The following HS2ST1 variants were observed in gnomAD, a reference collection of about 807,000 sequenced individuals.
The protein encoded by HS2ST1 is heparan sulfate 2-O-sulfotransferase 1.
In HS2ST1, 18 loss-of-function variants were observed where a neutral mutation model predicts 42.9. The ratio of observed to expected loss-of-function variants is 0.42; its 90% CI spans 0.29 to 0.62. The LOEUF (loss-of-function observed/expected upper bound fraction) is 0.62, where lower values mean the gene tolerates loss of function less well. Among genes scored for constraint, HS2ST1 ranks in the 20% least tolerant of loss-of-function variants. HS2ST1 has a pLI of 0.21. For missense variants in HS2ST1, 334 were observed against 433.8 expected, an observed-to-expected ratio of 0.77 and a Z score of 2.04; for synonymous variants, 146 against 152.9, an observed-to-expected ratio of 0.95 and a Z score of 0.33.
intron 4 of HS2ST1, 110 bp downstream of exon 4, chr1:87,092,779 G>A: frequency 1.5e-6 from 1 of 667,398 alleles, no homozygotes; most frequent in South Asian, 5.3e-5. Flanking sequence ...TGCTTATTGT[G>A]GAAATTTTGA....
intron 1 of HS2ST1, among the ~76,000 whole-genome samples, chr1:86,934,185 G>A (rs1023125362): frequency 6.6e-6 from 1 of 152,184 alleles, no homozygotes; most frequent in African/African-American, 2.4e-5. Context: ...TTAGTTGGTG[G>A]ATAACAAACT....
chr1:86,948,751 G>A lies in HS2ST1; in HGVS notation c.124+33591G>A, dbSNP rs1039385030. ...AACTATTGGTTCCCTCTAACTTAAC[G>A]GTTTTAGGATCTGTTATTAAAATTT... On this transcript the variant is annotated intron_variant, in intron 1 of 6. Transcript: ENST00000370550. Among the ~76,000 whole-genome samples the A allele has an allele frequency of 9.9e-4, 150 of 152,146 alleles. 1 individual carries two copies. The highest frequency in any genetic ancestry group is 3.4e-3 in the African/African-American group (142 of 41,502).
At chr1:86,972,271 T>C (rs1648255588) in intron 1 of HS2ST1, among the ~76,000 whole-genome samples, 1 of 152,206 alleles carries the variant, frequency 6.6e-6, no homozygotes, top group Non-Finnish European at 1.5e-5. Flanking sequence ...AATTGATGAG[T>C]ACAGTATAAT....
At chr1:87,079,519 T>C (rs1651631367) in intron 2 of HS2ST1, among the ~76,000 whole-genome samples, 1 of 152,222 alleles carries the variant, frequency 6.6e-6, no homozygotes, top group Non-Finnish European at 1.5e-5. Context: ...TGCTTCACAC[T>C]TTTTTCTTCG....
chr1:86,925,834 C>T (rs1214933889), intron 1 of HS2ST1, among the ~76,000 whole-genome samples: 3 of 152,124 alleles, frequency 2.0e-5, no homozygotes, highest in Non-Finnish European at 4.4e-5. Flanking sequence ...TCTACTAATT[C>T]TATCATCTGG....
intron 1 of HS2ST1, among the ~76,000 whole-genome samples, chr1:87,021,364 T>C (rs1649944736): frequency 6.6e-6 from 1 of 152,214 alleles, no homozygotes; most frequent in African/African-American, 2.4e-5. Context: ...AAACATTCCA[T>C]GTTCTTCCAT....
chr1:87,038,844 AT>A (rs1650449058), intron 1 of HS2ST1, among the ~76,000 whole-genome samples: 1 of 152,164 alleles, frequency 6.6e-6, no homozygotes, highest in Admixed American at 6.5e-5. Flanking sequence ...TAAAAAAAAA[AT>A]GGATTCTGAC....
At chr1:86,985,947 C>A (rs984774736) in intron 1 of HS2ST1, among the ~76,000 whole-genome samples, 5 of 150,756 alleles carry the variant, frequency 3.3e-5, no homozygotes, top group East Asian at 1.9e-4. Flanking sequence ...ACAAATTATT[C>A]TTCTTTTATA....
chr1:86,936,564 T>C lies in HS2ST1; in HGVS notation c.124+21404T>C, dbSNP rs552529956. Among the ~76,000 whole-genome samples, 5 of 152,302 alleles carry C rather than the reference T, an allele frequency of 3.3e-5. No individual in the cohort carries two copies. The South Asian group carries it at 1.0e-3, about 32-fold the overall frequency. ...ATTTAACCCTTACAACCTCCTAAGA[T>C]AGGTGTCAATATTATTCCTGTTTAC... On this transcript the variant is annotated intron_variant, in intron 1 of 6. Coordinates refer to ENST00000370550, the MANE Select transcript of HS2ST1 (RefSeq NM_012262.4).
intron 1 of HS2ST1, among the ~76,000 whole-genome samples, chr1:86,935,587 T>C (rs1660630189): frequency 6.6e-6 from 1 of 151,524 alleles, no homozygotes; most frequent in Non-Finnish European, 1.5e-5. Context: ...CTCAGCCTCT[T>C]GAGTAGCTGA....
intron 1 of HS2ST1, among the ~76,000 whole-genome samples, chr1:87,040,816 C>T (rs1281270964): frequency 6.6e-6 from 1 of 152,080 alleles, no homozygotes; most frequent in African/African-American, 2.4e-5. Flanking sequence ...TAGGCATGTT[C>T]TGTGACACCT....
intron 3 of HS2ST1, among the ~76,000 whole-genome samples, chr1:87,091,241 G>A (rs1357516131): frequency 6.6e-6 from 1 of 151,942 alleles, no homozygotes; most frequent in African/African-American, 2.4e-5. Context: ...AAAAATGAGA[G>A]CGGCACTCAA....
At chr1:87,103,209 T>G (rs1312445837) in intron 5 of HS2ST1, among the ~76,000 whole-genome samples, 1 of 152,244 alleles carries the variant, frequency 6.6e-6, no homozygotes, top group African/African-American at 2.4e-5. Context: ...TTAAGAGTCC[T>G]CTGGTAAACT....
chr1:86,942,290 A>G (rs1038883703), intron 1 of HS2ST1, among the ~76,000 whole-genome samples: 1 of 152,100 alleles, frequency 6.6e-6, no homozygotes, highest in Non-Finnish European at 1.5e-5. Context: ...AAACCAGCCA[A>G]CTCTTTCATC....
At chr1:87,024,910 T>G (rs1459247365) in intron 1 of HS2ST1, among the ~76,000 whole-genome samples, 3 of 152,264 alleles carry the variant, frequency 2.0e-5, no homozygotes, top group South Asian at 4.1e-4. Flanking sequence ...AGAAATTGTT[T>G]ATTAAATGCC....
intron 1 of HS2ST1, among the ~76,000 whole-genome samples, chr1:86,966,740 C>T (rs889795906): frequency 6.6e-6 from 1 of 152,036 alleles, no homozygotes. Context: ...GCTACCATGC[C>T]CAATTTATCA....
intron 1 of HS2ST1, among the ~76,000 whole-genome samples, chr1:86,984,474 G>A (rs1648697296): frequency 1.3e-5 from 2 of 152,194 alleles, no homozygotes; most frequent in Non-Finnish European, 2.9e-5. Flanking sequence ...ACTAATTAGA[G>A]TTTGGATGTA....
chr1:87,025,407 T>C (rs901929786), intron 1 of HS2ST1, among the ~76,000 whole-genome samples: 4 of 152,194 alleles, frequency 2.6e-5, no homozygotes, highest in Non-Finnish European at 5.9e-5. Context: ...GTGTTCCTTA[T>C]TGGCAGAACC....
At chr1:87,086,626 GT>G (rs2100645925) in intron 3 of HS2ST1, among the ~76,000 whole-genome samples, 1 of 152,084 alleles carries the variant, frequency 6.6e-6, no homozygotes, top group South Asian at 2.1e-4. Context: ...CTCCTTTCTA[GT>G]TTAGCCCGAC....
Sources: allele counts gnomAD v4.1 joint callset (sites outside exome capture counted in the v4.1 genomes callset), GRCh38; gene constraint gnomAD v4.1.1; transcripts MANE v1.5; gene names NCBI Gene and HGNC (gene_info 2026-07-23, HGNC 2026-07-21).